The following INVS variants were observed in gnomAD, a reference collection of about 807,000 sequenced individuals.
INVS encodes the protein inversin.
In INVS, 86 loss-of-function variants were observed where a neutral mutation model predicts 108.8. That is an observed-to-expected ratio of 0.79 (90% confidence interval 0.66 to 0.95). The LOEUF is 0.95. INVS is among the 40% of genes least tolerant of loss of function. INVS has a pLI of 0.00. For missense variants in INVS, 1,169 were observed against 1,297.4 expected, an observed-to-expected ratio of 0.90 and a Z score of 1.52; for synonymous variants, 455 against 473.5, an observed-to-expected ratio of 0.96 and a Z score of 0.51.
chr9:100,210,904 C>CT (rs1012174116), intron 3 of INVS, among the ~76,000 whole-genome samples: 28 of 150,798 alleles, frequency 1.9e-4, no homozygotes, highest in African/African-American at 6.3e-4. Flanking sequence ...TGGGAACAGA[C>CT]TTTTTTTTTA....
intron 3 of INVS, among the ~76,000 whole-genome samples, chr9:100,221,733 C>T (rs180760880): frequency 3.0e-4 from 46 of 151,942 alleles, no homozygotes; most frequent in African/African-American, 7.0e-4. Context: ...CCATTATCCA[C>T]GGTTTTGCTT....
At chr9:100,151,631 G>T (rs1326734474) in intron 3 of INVS, among the ~76,000 whole-genome samples, 2 of 152,150 alleles carry the variant, frequency 1.3e-5, no homozygotes, top group Non-Finnish European at 2.9e-5. Flanking sequence ...AGATGAGGAG[G>T]GTTTGAGGAA....
chr9:100,152,139 T>C (rs1188656748), intron 3 of INVS, among the ~76,000 whole-genome samples: 1 of 152,198 alleles, frequency 6.6e-6, no homozygotes, highest in African/African-American at 2.4e-5. Context: ...TTATACCACC[T>C]TTTACACTGA....
intron 2 of INVS, among the ~76,000 whole-genome samples, chr9:100,124,523 G>A (rs979654343): frequency 6.7e-6 from 1 of 150,020 alleles, no homozygotes; most frequent in Admixed American, 6.6e-5. Flanking sequence ...AGACCAGCCT[G>A]GGCAACACAG....
chr9:100,141,181 A>G (rs918217859), intron 3 of INVS, among the ~76,000 whole-genome samples: 1 of 152,138 alleles, frequency 6.6e-6, no homozygotes, highest in Admixed American at 6.5e-5. Context: ...GCACAGTCCA[A>G]GTTGGTCTTG....
intron 3 of INVS, among the ~76,000 whole-genome samples, chr9:100,185,100 G>T (rs1391365261): frequency 1.3e-5 from 2 of 151,952 alleles, no homozygotes; most frequent in Non-Finnish European, 2.9e-5. Context: ...CTTTTTGAGG[G>T]CTTACACTTT....
intron 5 of INVS, among the ~76,000 whole-genome samples, chr9:100,238,402 G>T (rs982439051): frequency 2.6e-5 from 4 of 151,660 alleles, no homozygotes; most frequent in Non-Finnish European, 5.9e-5. Context: ...TCTTTGTTTG[G>T]CATTCTACAG....
At chr9:100,113,146 C>T (rs112149375) in intron 2 of INVS, among the ~76,000 whole-genome samples, 1 of 152,156 alleles carries the variant, frequency 6.6e-6, no homozygotes, top group African/African-American at 2.4e-5. Context: ...TTAAATAAAT[C>T]TTTATCTATA....
At chr9:100,159,935 A>G (rs560728551) in intron 3 of INVS, among the ~76,000 whole-genome samples, 3 of 152,268 alleles carry the variant, frequency 2.0e-5, no homozygotes, top group Middle Eastern at 3.4e-3. Context: ...GCCCTGGACC[A>G]TCTCCCCAAA....
intron 13 of INVS, among the ~76,000 whole-genome samples, chr9:100,288,025 C>T (rs1239467941): frequency 6.6e-6 from 1 of 152,154 alleles, no homozygotes; most frequent in Non-Finnish European, 1.5e-5. Context: ...AAGACAGGAA[C>T]AGAATAACCA....
Position 100,209,531 on chromosome 9 carries a change from G to A in INVS, c.274-16531G>A, listed in dbSNP as rs563672577. Among the ~76,000 whole-genome samples, 35 of 152,204 alleles carry A rather than the reference G, an allele frequency of 2.3e-4. 1 individual carries two copies. The South Asian group carries it at 7.3e-3, about 32-fold the overall frequency. The stretch of plus-strand genomic sequence containing the variant: ...CATGCCTGTAATCCCAGCACTTTGG[G>A]AGGCCAAGGCGGGAGGATCACAAGG... On this transcript the variant is annotated intron_variant, in intron 3 of 16. Transcript: ENST00000262457.
At chr9:100,246,854 A>G (rs565683027) in intron 8 of INVS, 67 bp downstream of exon 8, 1 of 1,368,780 alleles carries the variant, frequency 7.3e-7, no homozygotes, top group East Asian at 2.3e-5. Context: ...TTGCTATAAA[A>G]TTTGTAAAAT....
At chr9:100,178,230 G>A (rs1829776777) in intron 3 of INVS, among the ~76,000 whole-genome samples, 1 of 152,120 alleles carries the variant, frequency 6.6e-6, no homozygotes, top group African/African-American at 2.4e-5. Context: ...CTTCTGCAAA[G>A]GATCACAACT....
chr9:100,140,674 G>A (rs1202002766), intron 3 of INVS, among the ~76,000 whole-genome samples: 5 of 152,102 alleles, frequency 3.3e-5, no homozygotes, highest in South Asian at 2.1e-4. Context: ...GGGATGGTAC[G>A]GAGAGATAAT....
chr9:100,226,874 G>A (rs1259483467), intron 4 of INVS, among the ~76,000 whole-genome samples: 4 of 151,670 alleles, frequency 2.6e-5, no homozygotes, highest in Non-Finnish European at 5.9e-5. Context: ...TATTTGACAG[G>A]GAGTCATAAT....
chr9:100,252,569 T>C, intron 9 of INVS, 131 bp downstream of exon 9: 2 of 896,074 alleles, frequency 2.2e-6, no homozygotes, highest in East Asian at 5.3e-5. Context: ...TCACACAACA[T>C]GGCATGAGGA....
In INVS at chr9:100,146,977, A is replaced by T. The variant is rs371755533; in HGVS notation, c.273+20428A>T. On this transcript the variant is annotated intron_variant, in intron 3 of 16. Transcript: ENST00000262457. ...TCAACTTATGGTACTGTATTCTTTT[A>T]GTCACTGGAGTTTAAAAACTGCATG... Among the ~76,000 whole-genome samples the T allele has an allele frequency of 2.1e-3, 316 of 152,296 alleles. 1 individual carries two copies. The highest frequency in any genetic ancestry group is 7.3e-3 in the African/African-American group (302 of 41,562).
intron 3 of INVS, among the ~76,000 whole-genome samples, chr9:100,165,274 G>C (rs1426028178): frequency 1.3e-5 from 2 of 151,878 alleles, no homozygotes; most frequent in Admixed American, 1.3e-4. Flanking sequence ...TTGGCAAACT[G>C]TTTTATTATT....
chr9:100,119,022 CAGTT>C, intron 2 of INVS, among the ~76,000 whole-genome samples: 1 of 152,224 alleles, frequency 6.6e-6, no homozygotes, highest in East Asian at 1.9e-4. Context: ...TTGTCAGAGT[CAGTT>C]AATCATGTCT....
Sources: gnomAD v4.1 joint callset for allele counts (sites outside exome capture counted in the v4.1 genomes callset) on GRCh38, gnomAD v4.1.1 for gene constraint, MANE v1.5 for transcripts, NCBI Gene and HGNC (gene_info 2026-07-23, HGNC 2026-07-21) for gene names.